CREBBP: variants seen among roughly 807,000 people sequenced by gnomAD.
CREBBP encodes CREB binding lysine acetyltransferase.
CREBBP carries 19 observed loss-of-function variants against 265.0 expected under a neutral mutation model. The observed-to-expected ratio is 0.07, with a 90% CI of 0.05 to 0.11. The LOEUF is 0.11. CREBBP is among the 10% of genes least tolerant of loss of function. The pLI, the probability that CREBBP is intolerant of heterozygous loss-of-function variation, is 1.00. For synonymous variants in CREBBP, 1,457 were observed against 1,223.7 expected (o/e 1.19, Z -3.98); for missense variants, 2,525 against 3,219.0 (o/e 0.78, Z 5.22).
At chr16:3,810,062 A>G (rs958454343) in intron 3 of CREBBP, among the ~76,000 whole-genome samples, 1 of 152,220 alleles carries the variant, frequency 6.6e-6, no homozygotes, top group African/African-American at 2.4e-5. Flanking sequence ...TTGATTCATC[A>G]GGTTGAGAAG....
At chr16:3,809,114 G>C (rs1436053518) in intron 3 of CREBBP, among the ~76,000 whole-genome samples, 1 of 152,028 alleles carries the variant, frequency 6.6e-6, no homozygotes, top group Non-Finnish European at 1.5e-5. Context: ...AAATAAAGAA[G>C]TCCTAAGAAC....
intron 14 of CREBBP, among the ~76,000 whole-genome samples, chr16:3,770,105 G>A (rs1242577899): frequency 2.0e-5 from 3 of 152,058 alleles, no homozygotes; most frequent in Non-Finnish European, 4.4e-5. Flanking sequence ...CCTGAGCTCC[G>A]GTGATCCGCC....
intron 2 of CREBBP, among the ~76,000 whole-genome samples, chr16:3,847,873 AAAAACTACTTATAG>A (rs1411632937): frequency 1.3e-5 from 2 of 152,250 alleles, no homozygotes; most frequent in Non-Finnish European, 2.9e-5. Flanking sequence ...AAAAATCTAT[AAAAACTACTTATAG>A]GCCGGGCGTG....
At position 3,804,897 on chromosome 16, in the gene CREBBP, A is replaced by C. The variant is rs147867837; in HGVS notation, c.975+5706T>G. On this transcript the variant is annotated intron_variant, in intron 3 of 30. Coordinates refer to ENST00000262367, the MANE Select transcript of CREBBP (RefSeq NM_004380.3). Reference sequence around the variant, plus strand: ...ATACTAATCAGACTCTAGAAAAGATACTGCTGGTTAATGGGAAACCCATAC... The same window carrying C: ...ATACTAATCAGACTCTAGAAAAGATCCTGCTGGTTAATGGGAAACCCATAC... Among the ~76,000 whole-genome samples the C allele has an allele frequency of 4.2e-3, 647 of 152,388 alleles. 4 individuals are homozygous for C. Among genetic ancestry groups the C allele is most frequent in the African/African-American group, 0.015 (617 of 41,590 alleles).
At chr16:3,847,279 CTATTT>C (rs1265361856) in intron 2 of CREBBP, among the ~76,000 whole-genome samples, 3 of 152,152 alleles carry the variant, frequency 2.0e-5, no homozygotes, top group African/African-American at 7.2e-5. Flanking sequence ...TCTTTTCCTA[CTATTT>C]TAATTATTTC....
chr16:3,748,813 G>C (rs948216288), intron 21 of CREBBP, among the ~76,000 whole-genome samples: 2 of 152,302 alleles, frequency 1.3e-5, no homozygotes, highest in Admixed American at 1.3e-4. Flanking sequence ...TATGAAGCAA[G>C]GTTAGCAAAT....
chr16:3,873,601 C>T (rs900142738), intron 1 of CREBBP, among the ~76,000 whole-genome samples: 1 of 152,156 alleles, frequency 6.6e-6, no homozygotes, highest in Non-Finnish European at 1.5e-5. Context: ...TCCCATTGGG[C>T]GGATATGCCA....
intron 2 of CREBBP, among the ~76,000 whole-genome samples, chr16:3,849,965 C>G (rs961725857): frequency 1.3e-5 from 2 of 152,144 alleles, no homozygotes; most frequent in African/African-American, 4.8e-5. Flanking sequence ...TGGATGGCCA[C>G]AGAGGAGCAT....
chr16:3,879,622 G>C (rs1165725467), intron 1 of CREBBP, among the ~76,000 whole-genome samples: 3 of 152,202 alleles, frequency 2.0e-5, no homozygotes, highest in Non-Finnish European at 4.4e-5. Context: ...GGGAGGCCGA[G>C]TGCACCGGGC....
chr16:3,739,853 G>T, intron 24 of CREBBP, 129 bp from the exon 25 acceptor site: 1 of 1,320,282 alleles, frequency 7.6e-7, no homozygotes, highest in Non-Finnish European at 1.1e-6. Flanking sequence ...CTCAGACCGT[G>T]GCCTGGAGTC....
intron 2 of CREBBP, among the ~76,000 whole-genome samples, chr16:3,814,419 A>G (rs942094628): frequency 1.3e-5 from 2 of 151,944 alleles, no homozygotes; most frequent in African/African-American, 4.8e-5. Context: ...CACACCCAGC[A>G]AATTTTTGTA....
At chr16:3,819,382 AGT>A (rs950842832) in intron 2 of CREBBP, among the ~76,000 whole-genome samples, 157 of 152,362 alleles carry the variant, frequency 1.0e-3, no homozygotes, top group African/African-American at 3.6e-3. Flanking sequence ...CAGCTGCGAC[AGT>A]GAGTACTAGG....
At chr16:3,793,095 G>A (rs1180653108) in intron 4 of CREBBP, among the ~76,000 whole-genome samples, 1 of 152,244 alleles carries the variant, frequency 6.6e-6, no homozygotes, top group Non-Finnish European at 1.5e-5. Context: ...AGTGACCAAT[G>A]TCTTCCGTGA....
rs781492264 is a variant in CREBBP at position 3,793,469 on chromosome 16, C to T, written c.1133G>A (p.Arg378Gln). The T allele has an allele frequency of 3.7e-6, 6 of 1,613,978 alleles. No individual in the cohort carries two copies. Among genetic ancestry groups the T allele is most frequent in the African/African-American group, 2.7e-5 (2 of 74,906 alleles). ...QRREQANGEV[R>Q]ACSLPHCRTM... The stretch of plus-strand genomic sequence containing the variant: ...TCGACAATGCGGGAGCGAGCAGGCC[C>T]GAACCTCTCCGTTTGCTTGCTCTCG... The change falls in exon 4 of 31, where the codon CGG (arginine) becomes CAG (glutamine). Residue 378 changes from arginine to glutamine, a missense_variant. Around this residue, in one of 19 missense-constraint regions of CREBBP, gnomAD observed 126 missense variants for 171.9 expected, o/e 0.73. Coordinates refer to ENST00000262367, the MANE Select transcript of CREBBP (RefSeq NM_004380.3).
intron 7 of CREBBP, 66 bp downstream of exon 7, chr16:3,781,136 TCA>T: frequency 1.4e-6 from 2 of 1,407,676 alleles, no homozygotes; most frequent in East Asian, 4.6e-5. Flanking sequence ...TTAGAAAGAA[TCA>T]GTTTTGTGTG....
In CREBBP at chr16:3,814,637, C is replaced by T. The variant is rs532361556; in HGVS notation, c.799-3858G>A. The stretch of plus-strand genomic sequence containing the variant: ...CATCAAAAACGTGTTTGTACCTTTT[C>T]TTCTTGGCCATCAGATAAGAGAGTG... On this transcript the variant is annotated intron_variant, in intron 2 of 30. Coordinates refer to ENST00000262367, the MANE Select transcript of CREBBP (RefSeq NM_004380.3). 2.0e-5 allele frequency among the ~76,000 whole-genome samples: 3 copies of T among 152,270 alleles called. No homozygotes were observed. In the East Asian group the frequency reaches 5.8e-4, roughly 29 times the overall value.
intron 2 of CREBBP, among the ~76,000 whole-genome samples, chr16:3,838,601 G>A (rs956081955): frequency 6.6e-6 from 1 of 152,138 alleles, no homozygotes; most frequent in African/African-American, 2.4e-5. Context: ...ATAAAAGACT[G>A]GTAGAGAAAA....
chr16:3,779,166 C>CAAA (rs1235447815), intron 8 of CREBBP, among the ~76,000 whole-genome samples: 1 of 143,950 alleles, frequency 6.9e-6, no homozygotes, highest in Non-Finnish European at 1.5e-5. Context: ...GACTCCATAC[C>CAAA]AAAAAAAGAA....
At chr16:3,793,864 C>G (rs574247780) in intron 3 of CREBBP, among the ~76,000 whole-genome samples, 4 of 152,164 alleles carry the variant, frequency 2.6e-5, no homozygotes, top group African/African-American at 9.7e-5. Context: ...CCAAGCAAGA[C>G]AATGGCTGGC....
Sources: gnomAD v4.1 joint callset for allele counts (sites outside exome capture counted in the v4.1 genomes callset) on GRCh38, gnomAD v4.1.1 for gene constraint, gnomAD v4.1.1 regional missense constraint, MANE v1.5 for transcripts, NCBI Gene and HGNC (gene_info 2026-07-23, HGNC 2026-07-21) for gene names.